CUL2: variants seen among roughly 807,000 people sequenced by gnomAD.
The protein encoded by CUL2 is cullin 2.
CUL2 carries 22 observed loss-of-function variants against 110.2 expected under a neutral mutation model. The observed-to-expected ratio is 0.20, with a 90% confidence interval of 0.14 to 0.28. The LOEUF (loss-of-function observed/expected upper bound fraction) is 0.28, where lower values mean the gene tolerates loss of function less well. Ranked by LOEUF, CUL2 falls within the 10% of genes least tolerant of loss-of-function variation. CUL2 has a pLI of 1.00. For missense variants in CUL2, 631 were observed against 905.5 expected, an observed-to-expected ratio of 0.70 and a Z score of 3.89; for synonymous variants, 279 against 293.2, an observed-to-expected ratio of 0.95 and a Z score of 0.49.
At chr10:35,101,495 G>C (rs1415470307) in intron 1 of CUL2, among the ~76,000 whole-genome samples, 1 of 152,152 alleles carries the variant, frequency 6.6e-6, no homozygotes, top group Non-Finnish European at 1.5e-5. Flanking sequence ...TGTTTTACTG[G>C]AAGCTACAAT....
chr10:35,059,348 C>T (rs554238381), intron 4 of CUL2, among the ~76,000 whole-genome samples: 1 of 152,268 alleles, frequency 6.6e-6, no homozygotes, highest in East Asian at 1.9e-4. Context: ...TTGCCACAGC[C>T]TCCCCAACCT....
At chr10:35,024,846 G>A (rs2085296167) in intron 17 of CUL2, among the ~76,000 whole-genome samples, 3 of 152,224 alleles carry the variant, frequency 2.0e-5, no homozygotes, top group South Asian at 4.1e-4. Context: ...CATCAAATGT[G>A]AGTTTCTAAA....
chr10:35,074,443 T>C (rs1164106048), intron 1 of CUL2: 1 of 580,560 alleles, frequency 1.7e-6, no homozygotes, highest in East Asian at 2.9e-5. Context: ...ATCTTTTCCT[T>C]AGCTGCCCCC....
At chr10:35,092,581 T>C (rs958005976), upstream of CUL2, among the ~76,000 whole-genome samples, 26 of 152,220 alleles carry the variant, frequency 1.7e-4, 1 homozygote, top group Admixed American at 5.9e-4. Context: ...CTTGTGTGGT[T>C]GACTTACAGG....
chr10:35,112,730 A>G (rs1007862276), intron 1 of CUL2, among the ~76,000 whole-genome samples: 1 of 152,210 alleles, frequency 6.6e-6, no homozygotes, highest in Non-Finnish European at 1.5e-5. Context: ...CATGTTCTCA[A>G]AAGTCACAGT....
At chr10:35,122,534 G>T (rs560389584) in intron 1 of CUL2, among the ~76,000 whole-genome samples, 1 of 152,250 alleles carries the variant, frequency 6.6e-6, no homozygotes, top group Non-Finnish European at 1.5e-5. Context: ...TTTATTTAAT[G>T]CTTATTTTGT....
chr10:35,070,927 A>C (rs1171256834), intron 2 of CUL2, among the ~76,000 whole-genome samples: 1 of 151,878 alleles, frequency 6.6e-6, no homozygotes. Context: ...TTCTATTTTT[A>C]TAATAGAAAG....
intron 5 of CUL2, among the ~76,000 whole-genome samples, chr10:35,051,383 G>A (rs1409870421): frequency 2.2e-4 from 32 of 145,762 alleles, no homozygotes; most frequent in Middle Eastern, 4.5e-3. Flanking sequence ...GGAGGCCGAG[G>A]CGGGCGGATC....
At chr10:35,034,954 C>T (rs1265217109) in intron 10 of CUL2, among the ~76,000 whole-genome samples, 3 of 152,176 alleles carry the variant, frequency 2.0e-5, no homozygotes, top group Non-Finnish European at 2.9e-5. Context: ...GGACACCCTC[C>T]GTATGGCTAA....
intron 1 of CUL2, among the ~76,000 whole-genome samples, chr10:35,107,881 CAAAAAAAAAA>C (rs56140666): frequency 7.1e-5 from 3 of 42,138 alleles, no homozygotes; most frequent in South Asian, 1.4e-3. Context: ...GACTCCATCT[CAAAAAAAAAA>C]AAAAAAAAAA....
At chr10:35,074,286 C>A in intron 1 of CUL2, 1 of 1,196,178 alleles carries the variant, frequency 8.4e-7, no homozygotes, top group South Asian at 1.3e-5. Flanking sequence ...TCAACTGCAA[C>A]ATGGCACCCA....
chr10:35,046,393 C>T (rs1564719482), intron 6 of CUL2, among the ~76,000 whole-genome samples: 2 of 152,116 alleles, frequency 1.3e-5, no homozygotes. Context: ...ACCCTATGAC[C>T]CCAAGCAAAC....
chr10:35,067,743 C>CAA (rs758160456), intron 2 of CUL2, among the ~76,000 whole-genome samples: 4,402 of 116,026 alleles, frequency 0.038, 222 homozygotes, highest in African/African-American at 0.12. Context: ...GACCCTGCCA[C>CAA]AAAAAAAAAA....
At chr10:35,120,745 A>C (rs112749151) in intron 1 of CUL2, among the ~76,000 whole-genome samples, 32 of 151,992 alleles carry the variant, frequency 2.1e-4, no homozygotes, top group Admixed American at 4.6e-4. Context: ...AAAATACAAA[A>C]ATTAGCCTGG....
At position 35,067,233 on chromosome 10, in the gene CUL2, T is replaced by C. The variant is rs2086555573; in HGVS notation, c.119+3966A>G. Among the ~76,000 whole-genome samples the C allele has an allele frequency of 2.0e-5, 3 of 151,844 alleles. No homozygotes were observed. In the South Asian group the frequency reaches 6.2e-4, roughly 32 times the overall value. On this transcript the variant is annotated intron_variant, in intron 2 of 20. Coordinates refer to ENST00000374749, the MANE Select transcript of CUL2 (RefSeq NM_003591.4). Reference sequence around the variant, plus strand: ...CATATTCCTACCTGGAAGAAATACGTTGAGGGAAGGCAATATTAAGTCTCC... The same window carrying C: ...CATATTCCTACCTGGAAGAAATACGCTGAGGGAAGGCAATATTAAGTCTCC...
chr10:35,125,586 T>C (rs2087757284), intron 1 of CUL2, among the ~76,000 whole-genome samples: 1 of 152,242 alleles, frequency 6.6e-6, no homozygotes, highest in African/African-American at 2.4e-5. Flanking sequence ...TATGAAATAA[T>C]AAATCCTCAC....
At chr10:35,085,037 T>C (rs1184871596) in intron 1 of CUL2, among the ~76,000 whole-genome samples, 1 of 151,824 alleles carries the variant, frequency 6.6e-6, no homozygotes, top group Non-Finnish European at 1.5e-5. Context: ...GGAGAGTCTC[T>C]TAAATGCCAG....
At chr10:35,056,005 C>G (rs1422611303) in intron 4 of CUL2, among the ~76,000 whole-genome samples, 7 of 152,182 alleles carry the variant, frequency 4.6e-5, no homozygotes, top group Admixed American at 2.6e-4. Flanking sequence ...GAGGAGTTAG[C>G]CTTCACTTCC....
intron 2 of CUL2, 131 bp from the exon 3 acceptor site, chr10:35,063,193 G>A (rs2086427799): frequency 1.8e-6 from 1 of 550,534 alleles, no homozygotes; most frequent in South Asian, 2.5e-5. Context: ...ACATAATACT[G>A]TTGTATATAT....
Sources: allele counts gnomAD v4.1 joint callset (sites outside exome capture counted in the v4.1 genomes callset), GRCh38; gene constraint gnomAD v4.1.1; transcripts MANE v1.5; gene names NCBI Gene and HGNC (gene_info 2026-07-23, HGNC 2026-07-21).